The following NFATC1 variants were observed in gnomAD, a reference collection of about 807,000 sequenced individuals.
NFATC1 encodes the protein nuclear factor of activated T-cells, cytoplasmic 1.
Under a neutral mutation model 76.0 loss-of-function variants are expected in NFATC1, and 22 were observed. That is an observed-to-expected ratio of 0.29 (90% CI 0.21 to 0.41). The LOEUF (loss-of-function observed/expected upper bound fraction) is 0.41, where lower values mean the gene tolerates loss of function less well. Ranked by LOEUF, NFATC1 falls within the 10% of genes least tolerant of loss-of-function variation. The pLI, the probability that NFATC1 is intolerant of heterozygous loss-of-function variation, is 1.00. For synonymous variants in NFATC1, 704 were observed against 613.1 expected, an observed-to-expected ratio of 1.15 and a Z score of -2.19; for missense variants, 1,357 against 1,337.7, an observed-to-expected ratio of 1.01 and a Z score of -0.23.
chr18:79,419,352 C>T (rs1322631114), intron 2 of NFATC1, among the ~76,000 whole-genome samples: 1 of 152,172 alleles, frequency 6.6e-6, no homozygotes, highest in African/African-American at 2.4e-5. Flanking sequence ...AATGTTGCCC[C>T]ATCTCACCGA....
intron 9 of NFATC1, among the ~76,000 whole-genome samples, chr18:79,492,553 C>G (rs1003905479): frequency 2.6e-4 from 39 of 151,936 alleles, no homozygotes; most frequent in African/African-American, 9.2e-4. Context: ...ACTAAAAATA[C>G]AAAAAATTAG....
At chr18:79,526,646 A>T (rs933403006) in intron 9 of NFATC1, among the ~76,000 whole-genome samples, 3 of 152,210 alleles carry the variant, frequency 2.0e-5, no homozygotes, top group Non-Finnish European at 4.4e-5. Flanking sequence ...ATCAGTTCCC[A>T]TGACACAATT....
chr18:79,446,395 A>AC lies in NFATC1; in HGVS notation c.1387-2381dup, dbSNP rs1187625786. On this transcript the variant is annotated intron_variant, in intron 3 of 9. Coordinates refer to ENST00000427363, the MANE Select transcript of NFATC1 (RefSeq NM_001278669.2). ...GGAGCTGCCCCGGTGCCCCTCCCCCACCCCCCGAGGTGGTTTTGGTCAGCG... is the reference window on the plus strand; with the variant it reads ...GGAGCTGCCCCGGTGCCCCTCCCCCACCCCCCCGAGGTGGTTTTGGTCAGCG... Among the ~76,000 whole-genome samples, 27 of 150,072 alleles carry AC rather than the reference A, an allele frequency of 1.8e-4. No homozygotes were observed. In the South Asian group the frequency reaches 2.6e-3, roughly 15 times the overall value.
At chr18:79,488,298 T>TTGTGTGTGTGTGTGTG (rs3222211) in intron 9 of NFATC1, among the ~76,000 whole-genome samples, 3 of 141,010 alleles carry the variant, frequency 2.1e-5, no homozygotes, top group Non-Finnish European at 3.0e-5. Context: ...GCAGCCCTGG[T>TTGTGTGTGTGTGTGTG]TGTGTGTGTG....
In NFATC1 at chr18:79,434,648, C is replaced by A. The variant is rs1014278868; in HGVS notation, c.1386+910C>A. The stretch of plus-strand genomic sequence containing the variant: ...CGAGCACACCCCAACAGCAAAAAAC[C>A]GGGTGCCCCAGCCCCGTTATTTAGG... On this transcript the variant is annotated intron_variant, in intron 3 of 9. Coordinates refer to ENST00000427363, the MANE Select transcript of NFATC1 (RefSeq NM_001278669.2). 2.0e-5 allele frequency among the ~76,000 whole-genome samples: 3 copies of A among 152,380 alleles called. No homozygotes were observed. The East Asian group carries it at 5.8e-4, about 29-fold the overall frequency.
At position 79,410,896 on chromosome 18, in the gene NFATC1, T is replaced by G. The variant is rs763813783; in HGVS notation, c.621T>G (p.Ser207=). 1 of 1,608,248 alleles carries G rather than the reference T, an allele frequency of 6.2e-7. No individual in the cohort carries two copies. Among genetic ancestry groups the G allele is most frequent in the African/African-American group, 1.3e-5 (1 of 74,910 alleles). ...YASPQTSPWQ[S]PCVSPKTTDP... is the part of the protein sequence containing the mutation. The stretch of plus-strand genomic sequence containing the variant: ...CCCCCCAGACGTCGCCATGGCAGTC[T>G]CCCTGCGTGTCTCCCAAGACCACGG... Residue 207 remains serine (S), a synonymous_variant, in exon 2 of 10, where the codon TCT becomes TCG. Coordinates refer to ENST00000427363, the MANE Select transcript of NFATC1 (RefSeq NM_001278669.2). The surrounding 1 kb of genome is among the most constrained non-coding windows in gnomAD (Gnocchi z 6.7).
intron 8 of NFATC1, among the ~76,000 whole-genome samples, chr18:79,479,444 G>A (rs975323068): frequency 7.9e-5 from 12 of 152,216 alleles, no homozygotes; most frequent in South Asian, 2.1e-4. Context: ...GATAGGATGC[G>A]TCTTACGAGG....
At chr18:79,520,209 G>A (rs532514739) in intron 9 of NFATC1, among the ~76,000 whole-genome samples, 3 of 152,208 alleles carry the variant, frequency 2.0e-5, no homozygotes, top group East Asian at 1.9e-4. Flanking sequence ...GGGATCCCCC[G>A]CTGCGCTGCC....
At chr18:79,439,358 C>T (rs2086892038) in intron 3 of NFATC1, among the ~76,000 whole-genome samples, 2 of 152,228 alleles carry the variant, frequency 1.3e-5, no homozygotes, top group Admixed American at 1.3e-4. Flanking sequence ...GCCCCAGGAG[C>T]CACGCAGAGG....
Position 79,410,151 on chromosome 18 carries a change from G to T in NFATC1, c.128-252G>T, listed in dbSNP as rs1460940219. 7 of 762,330 alleles carry T rather than the reference G, an allele frequency of 9.2e-6. No homozygotes were observed. The highest frequency in any genetic ancestry group is 1.7e-5 in the Non-Finnish European group (7 of 419,044). The allele number at this position is 762,330 out of a possible 1,614,324, so 47.2% of individuals were successfully genotyped here. On this transcript the variant is annotated intron_variant, in intron 1 of 9. Coordinates refer to ENST00000427363, the MANE Select transcript of NFATC1 (RefSeq NM_001278669.2). This position sits in a 1 kb window ranked among gnomAD's most constrained non-coding sequence, Gnocchi z 6.7. ...CTGGGAAGGACGTTCGGGGGCTTGT[G>T]CTGCTGTTAGGGGAGGAGGGGAGGT...
intron 2 of NFATC1, among the ~76,000 whole-genome samples, chr18:79,425,013 C>CT (rs1568944136): frequency 6.7e-6 from 1 of 150,200 alleles, no homozygotes; most frequent in African/African-American, 2.5e-5. Flanking sequence ...GTCTGTCTCT[C>CT]TCTCTGTCTC....
rs140894967 is a variant in NFATC1, at chr18:79,484,847, C to T, written c.2093-1401C>T. On this transcript the variant is annotated intron_variant, in intron 8 of 9. Transcript: ENST00000427363. ...GCCTTCACGACCGCCGGGACCTGTGCGGGGGGGGAAGAGGGCGGCTGCAGG... is the reference window on the plus strand; with the variant it reads ...GCCTTCACGACCGCCGGGACCTGTGTGGGGGGGGAAGAGGGCGGCTGCAGG... 5.4e-3 allele frequency among the ~76,000 whole-genome samples: 814 copies of T among 151,446 alleles called. 6 individuals carry two copies. Among genetic ancestry groups the T allele is most frequent in the African/African-American group, 0.018 (762 of 41,256 alleles).
chr18:79,510,813 CTCCTCTGCCGGGGCA>C (rs36215732), intron 9 of NFATC1, among the ~76,000 whole-genome samples: 109,550 of 148,282 alleles, frequency 0.74, 41,862 homozygotes, highest in Non-Finnish European at 0.81. Context: ...CTCCACGGGG[CTCCTCTGCCGGGGCA>C]TCCTCTGCCG....
chr18:79,462,532 A>G (rs1235466480), intron 7 of NFATC1, among the ~76,000 whole-genome samples: 1 of 151,996 alleles, frequency 6.6e-6, no homozygotes, highest in Non-Finnish European at 1.5e-5. Flanking sequence ...TGGAACTCCC[A>G]ACCTCAGGTG....
chr18:79,486,114 G>A lies in NFATC1; in HGVS notation c.2093-134G>A, dbSNP rs551645700. 9.8e-5 allele frequency: 74 copies of A among 752,208 alleles called. 1 individual carries two copies. In the South Asian group the frequency reaches 1.1e-3, roughly 11 times the overall value. The allele number at this position is 752,208 out of a possible 1,614,324, so 46.6% of individuals were successfully genotyped here. On this transcript the variant is annotated intron_variant, in intron 8 of 9. Transcript: ENST00000427363. Reference sequence around the variant, plus strand: ...CACGCCTTTTTTTTTTAATGGGGTGGGAGAACCAGGCAGGAGACAGAGGGA... The same window carrying A: ...CACGCCTTTTTTTTTTAATGGGGTGAGAGAACCAGGCAGGAGACAGAGGGA...
chr18:79,462,918 G>A (rs967590984), intron 7 of NFATC1, among the ~76,000 whole-genome samples: 2 of 152,160 alleles, frequency 1.3e-5, no homozygotes, highest in African/African-American at 4.8e-5. Context: ...GCGGCTGGAG[G>A]CAGGTGGACA....
At chr18:79,489,196 G>GC (rs1342056555) in intron 9 of NFATC1, among the ~76,000 whole-genome samples, 1 of 152,268 alleles carries the variant, frequency 6.6e-6, no homozygotes, top group Non-Finnish European at 1.5e-5. Context: ...CTGTTGTGTC[G>GC]CTGAGTGCAC....
At position 79,400,364 on chromosome 18, in the gene NFATC1, T is replaced by C. The variant is rs1391822641; in HGVS notation, c.127+4013T>C. On this transcript the variant is annotated intron_variant, in intron 1 of 9. Transcript: ENST00000427363. ...AACCCCTGGCGGCCGCGACCCCGGC[T>C]CCCGCCCCGGCCCCGGCCCGACCCG... is the stretch of plus-strand genomic sequence containing the variant. 2.4e-5 allele frequency: 28 copies of C among 1,185,370 alleles called. No individual in the cohort carries two copies. The Admixed American group carries it at 3.7e-4, about 16-fold the overall frequency. The allele number at this position is 1,185,370 out of a possible 1,614,324, so 73.4% of individuals were successfully genotyped here.
rs138500967 is a variant in NFATC1, at chr18:79,405,218, C to T, written c.128-5185C>T. ...AGCAGAGGGGCCATGCCATGACCTTCCGTTAAGGGATTTTGAATGTGCTCT... is the reference window on the plus strand; with the variant it reads ...AGCAGAGGGGCCATGCCATGACCTTTCGTTAAGGGATTTTGAATGTGCTCT... On this transcript the variant is annotated intron_variant, in intron 1 of 9. Coordinates refer to ENST00000427363, the MANE Select transcript of NFATC1 (RefSeq NM_001278669.2). Among the ~76,000 whole-genome samples, 19 of 152,310 alleles carry T rather than the reference C, an allele frequency of 1.2e-4. No individual in the cohort carries two copies. In the East Asian group the frequency reaches 2.5e-3, roughly 20 times the overall value.
Sources: allele counts gnomAD v4.1 joint callset (sites outside exome capture counted in the v4.1 genomes callset), GRCh38; gene constraint gnomAD v4.1.1; non-coding constraint Gnocchi (gnomAD v3.1); transcripts MANE v1.5; gene names NCBI Gene and HGNC (gene_info 2026-07-23, HGNC 2026-07-21).